The following GRID2 variants were observed in gnomAD, a reference collection of about 807,000 sequenced individuals.
GRID2 encodes glutamate receptor ionotropic, delta-2.
GRID2 carries 33 observed loss-of-function variants against 114.8 expected under a neutral mutation model. That is an observed-to-expected ratio of 0.29 (90% CI 0.22 to 0.38). GRID2 has a LOEUF of 0.38. GRID2 is among the 10% of genes least tolerant of loss of function. The probability of loss-of-function intolerance (pLI) is 1.00; values close to 1 mark genes in which losing one functional copy is unlikely to be tolerated. For missense variants in GRID2, 1,184 were observed against 1,257.7 expected, an observed-to-expected ratio of 0.94 and a Z score of 0.89; for synonymous variants, 505 against 449.9, an observed-to-expected ratio of 1.12 and a Z score of -1.55.
intron 2 of GRID2, among the ~76,000 whole-genome samples, chr4:92,597,385 C>T (rs1248445239): frequency 1.3e-5 from 2 of 152,122 alleles, no homozygotes; most frequent in Non-Finnish European, 2.9e-5. Flanking sequence ...GTCTCTACTA[C>T]AGTGAATGGA....
intron 14 of GRID2, among the ~76,000 whole-genome samples, chr4:93,652,169 CTAATA>C (rs901776067): frequency 6.6e-6 from 1 of 152,080 alleles, no homozygotes; most frequent in Non-Finnish European, 1.5e-5. Context: ...CATGCCCTAT[CTAATA>C]TGACTTGTGT....
intron 2 of GRID2, among the ~76,000 whole-genome samples, chr4:92,786,549 A>G (rs923926406): frequency 3.9e-5 from 6 of 152,046 alleles, no homozygotes; most frequent in East Asian, 1.9e-4. Context: ...AGAATATTCA[A>G]TTCAAACACT....
At chr4:92,768,343 A>G (rs952872949) in intron 2 of GRID2, among the ~76,000 whole-genome samples, 1 of 152,178 alleles carries the variant, frequency 6.6e-6, no homozygotes, top group Non-Finnish European at 1.5e-5. Context: ...GTTGCCATCC[A>G]ATCCGGGCTG....
chr4:93,458,823 G>T (rs1723444281), intron 11 of GRID2, among the ~76,000 whole-genome samples: 1 of 152,082 alleles, frequency 6.6e-6, no homozygotes, highest in Non-Finnish European at 1.5e-5. Context: ...TGAAATAGTA[G>T]ATCATGGGGT....
intron 14 of GRID2, among the ~76,000 whole-genome samples, chr4:93,751,137 G>A (rs1312524371): frequency 6.6e-6 from 1 of 152,190 alleles, no homozygotes; most frequent in East Asian, 1.9e-4. Context: ...ATCAATAAAA[G>A]TGAATTTTTA....
intron 2 of GRID2, among the ~76,000 whole-genome samples, chr4:92,675,551 A>ATTTTTTTTT (rs576488084): frequency 2.0e-4 from 26 of 133,026 alleles, no homozygotes; most frequent in Non-Finnish European, 2.9e-4. Context: ...TTGGGCTACA[A>ATTTTTTTTT]TTTTTTTTTT....
intron 4 of GRID2, among the ~76,000 whole-genome samples, chr4:93,141,933 C>A (rs955491615): frequency 6.6e-6 from 1 of 152,190 alleles, no homozygotes; most frequent in Non-Finnish European, 1.5e-5. Flanking sequence ...AATAGTACCA[C>A]TTGTGGTTTA....
intron 2 of GRID2, among the ~76,000 whole-genome samples, chr4:92,951,355 T>A (rs1220869879): frequency 2.0e-5 from 3 of 151,700 alleles, no homozygotes; most frequent in African/African-American, 4.8e-5. Flanking sequence ...ATTTATTTAT[T>A]TATTTATTTA....
chr4:93,442,494 A>G (rs909983476), intron 10 of GRID2, among the ~76,000 whole-genome samples: 2 of 152,032 alleles, frequency 1.3e-5, no homozygotes, highest in African/African-American at 4.8e-5. Flanking sequence ...AGCATTCAAT[A>G]AGCATTTATT....
chr4:93,518,189 T>A (rs1473355063), intron 13 of GRID2, among the ~76,000 whole-genome samples: 1 of 151,582 alleles, frequency 6.6e-6, no homozygotes, highest in Non-Finnish European at 1.5e-5. Context: ...ATTCCATTAA[T>A]GTCTCAGTCT....
intron 4 of GRID2, among the ~76,000 whole-genome samples, chr4:93,132,052 T>C (rs1355749134): frequency 6.6e-6 from 1 of 152,142 alleles, no homozygotes; most frequent in Non-Finnish European, 1.5e-5. Context: ...AACAATTATC[T>C]GCAATAAAAA....
intron 8 of GRID2, among the ~76,000 whole-genome samples, chr4:93,323,580 G>A (rs973051991): frequency 6.6e-6 from 1 of 152,136 alleles, no homozygotes; most frequent in South Asian, 2.1e-4. Context: ...CTAATTCTGT[G>A]AAGAAAGTCA....
intron 1 of GRID2, among the ~76,000 whole-genome samples, chr4:92,548,833 C>T (rs958872654): frequency 1.3e-5 from 2 of 151,898 alleles, no homozygotes; most frequent in East Asian, 3.9e-4. Flanking sequence ...ATGGGAAGCC[C>T]GCACTACACA....
Position 92,460,049 on chromosome 4 carries a change from TATATACAC to T in GRID2, c.89-130080_89-130073del, listed in dbSNP as rs979904323. Among the ~76,000 whole-genome samples the T allele has an allele frequency of 2.6e-4, 31 of 119,250 alleles. 1 individual carries two copies. The highest frequency in any genetic ancestry group is 2.7e-4 in the Admixed American group (3 of 11,126). 78.2% of individuals were successfully genotyped at this position (119,250 alleles called of 152,430 possible). On this transcript the variant is annotated intron_variant, in intron 1 of 15. Transcript: ENST00000282020. ...AAATCTCACTATATATATATATATA[TATATACAC>T]ACACAACTTTTTGGTTCTGTTTCTC...
At position 93,233,346 on chromosome 4, in the gene GRID2, T is replaced by A. The variant is rs950119618; in HGVS notation, c.1126-5025T>A. ...TTATTATTATTATTATTTTTTTTTTTATTTTTTATTTTTTGAGATGGAGTC... is the reference window on the plus strand; with the variant it reads ...TTATTATTATTATTATTTTTTTTTTAATTTTTTATTTTTTGAGATGGAGTC... On this transcript the variant is annotated intron_variant, in intron 7 of 15. Transcript: ENST00000282020. 8.7e-5 allele frequency among the ~76,000 whole-genome samples: 13 copies of A among 150,218 alleles called. No homozygotes were observed. In the South Asian group the frequency reaches 1.3e-3, roughly 15 times the overall value.
At chr4:93,737,424 T>G (rs1731021467) in intron 14 of GRID2, among the ~76,000 whole-genome samples, 1 of 152,022 alleles carries the variant, frequency 6.6e-6, no homozygotes, top group Non-Finnish European at 1.5e-5. Flanking sequence ...GAAGGCTACA[T>G]TTTAAATGTT....
At chr4:93,570,524 A>G (rs1369000677) in intron 13 of GRID2, among the ~76,000 whole-genome samples, 1 of 152,176 alleles carries the variant, frequency 6.6e-6, no homozygotes, top group African/African-American at 2.4e-5. Flanking sequence ...TATTTTAAAA[A>G]GCTTTATTAA....
intron 2 of GRID2, among the ~76,000 whole-genome samples, chr4:92,615,624 T>C (rs1369950278): frequency 6.6e-6 from 1 of 151,646 alleles, no homozygotes; most frequent in Non-Finnish European, 1.5e-5. Context: ...ATTGTAATAT[T>C]TCATATCATT....
At chr4:92,755,941 A>C (rs1737698277) in intron 2 of GRID2, among the ~76,000 whole-genome samples, 1 of 152,164 alleles carries the variant, frequency 6.6e-6, no homozygotes, top group Non-Finnish European at 1.5e-5. Context: ...CACCATGAGC[A>C]TTTATCTTTT....
Sources: allele counts gnomAD v4.1 joint callset (sites outside exome capture counted in the v4.1 genomes callset), GRCh38; gene constraint gnomAD v4.1.1; transcripts MANE v1.5; gene names NCBI Gene and HGNC (gene_info 2026-07-23, HGNC 2026-07-21).